Variants in EFNA5 observed in about 807,000 individuals in gnomAD.
EFNA5 encodes the protein ephrin-A5.
In EFNA5, 5 loss-of-function variants were observed where a neutral mutation model predicts 22.9. The ratio of observed to expected loss-of-function variants is 0.22; its 90% CI spans 0.11 to 0.46. EFNA5 has a LOEUF of 0.46. Among genes scored for constraint, EFNA5 ranks in the 20% least tolerant of loss-of-function variants. The pLI is 0.99. For missense variants in EFNA5, 237 were observed against 293.3 expected, an observed-to-expected ratio of 0.81 and a Z score of 1.40; for synonymous variants, 113 against 112.2, an observed-to-expected ratio of 1.01 and a Z score of -0.04.
chr5:107,417,344 T>C (rs1038885984), intron 2 of EFNA5, among the ~76,000 whole-genome samples: 37 of 152,302 alleles, frequency 2.4e-4, no homozygotes, highest in African/African-American at 8.7e-4. Flanking sequence ...AATTTTTTTG[T>C]GAAGCTTTAA....
At chr5:107,383,069 C>T (rs1035966361) in intron 4 of EFNA5, among the ~76,000 whole-genome samples, 7 of 152,154 alleles carry the variant, frequency 4.6e-5, no homozygotes, top group Non-Finnish European at 7.3e-5. Flanking sequence ...CAGATATGCT[C>T]GTTTGGGATG....
intron 1 of EFNA5, among the ~76,000 whole-genome samples, chr5:107,646,008 G>T (rs987772941): frequency 6.6e-6 from 1 of 152,146 alleles, no homozygotes; most frequent in African/African-American, 2.4e-5. Context: ...CTGCTGTGAA[G>T]AATAATCATA....
intron 2 of EFNA5, among the ~76,000 whole-genome samples, chr5:107,422,990 T>C (rs1197313521): frequency 3.3e-5 from 5 of 152,230 alleles, no homozygotes; most frequent in Admixed American, 2.6e-4. Context: ...GAACATCTAC[T>C]AAGCAAGGTA....
intron 1 of EFNA5, among the ~76,000 whole-genome samples, chr5:107,568,876 C>T (rs1210916698): frequency 1.3e-5 from 2 of 152,068 alleles, no homozygotes; most frequent in African/African-American, 4.8e-5. Flanking sequence ...AAATCCTTCT[C>T]GGTCTTCAGA....
chr5:107,469,469 G>C (rs1750080231), intron 1 of EFNA5, among the ~76,000 whole-genome samples: 1 of 152,050 alleles, frequency 6.6e-6, no homozygotes, highest in Non-Finnish European at 1.5e-5. Flanking sequence ...CCAAGGAATG[G>C]CTTGGTTGTT....
At chr5:107,668,488 G>C (rs528776357) in intron 1 of EFNA5, among the ~76,000 whole-genome samples, 1 of 152,196 alleles carries the variant, frequency 6.6e-6, no homozygotes, top group South Asian at 2.1e-4. Flanking sequence ...GGTTAAGAAG[G>C]GGGGTTAAAG....
intron 1 of EFNA5, among the ~76,000 whole-genome samples, chr5:107,593,652 C>G (rs775886888): frequency 1.3e-5 from 2 of 152,082 alleles, no homozygotes; most frequent in Non-Finnish European, 2.9e-5. Flanking sequence ...CACCCTCACC[C>G]AAGGTGATTC....
intron 1 of EFNA5, among the ~76,000 whole-genome samples, chr5:107,533,949 C>T (rs1455680255): frequency 6.6e-6 from 1 of 152,150 alleles, no homozygotes; most frequent in African/African-American, 2.4e-5. Flanking sequence ...CTTTTCTAGC[C>T]ATTTCTATTC....
chr5:107,435,212 G>A (rs1302597016), intron 1 of EFNA5, among the ~76,000 whole-genome samples: 1 of 152,024 alleles, frequency 6.6e-6, no homozygotes, highest in African/African-American at 2.4e-5. Flanking sequence ...GGGCAGGACA[G>A]CAGTCTCTGT....
chr5:107,383,122 A>G (rs1716052435), intron 4 of EFNA5, among the ~76,000 whole-genome samples: 1 of 152,126 alleles, frequency 6.6e-6, no homozygotes. Flanking sequence ...AGGTCTTCTC[A>G]GTGTTGAGTC....
At chr5:107,396,166 T>A (rs568039273) in intron 2 of EFNA5, among the ~76,000 whole-genome samples, 1 of 152,344 alleles carries the variant, frequency 6.6e-6, no homozygotes, top group African/African-American at 2.4e-5. Context: ...TCAAAACCCC[T>A]TTCATTATTA....
intron 1 of EFNA5, among the ~76,000 whole-genome samples, chr5:107,642,239 G>A (rs954946722): frequency 3.9e-5 from 6 of 152,196 alleles, no homozygotes; most frequent in African/African-American, 1.4e-4. Context: ...CCCTTAGACA[G>A]AAGGAATAAG....
chr5:107,529,675 T>C (rs1580514512), intron 1 of EFNA5, among the ~76,000 whole-genome samples: 1 of 152,364 alleles, frequency 6.6e-6, no homozygotes, highest in South Asian at 2.1e-4. Context: ...GCTGAAGCTA[T>C]GGCTGTTTTA....
chr5:107,455,048 CA>C (rs1160576879), intron 1 of EFNA5, among the ~76,000 whole-genome samples: 1 of 152,148 alleles, frequency 6.6e-6, no homozygotes, highest in Admixed American at 6.5e-5. Flanking sequence ...CTGGACTCAA[CA>C]AAATCTCAAA....
chr5:107,392,633 T>G (rs1747818429), intron 2 of EFNA5, among the ~76,000 whole-genome samples: 1 of 152,326 alleles, frequency 6.6e-6, no homozygotes. Flanking sequence ...TAATAAACGT[T>G]GTTTTAGCCA....
intron 1 of EFNA5, among the ~76,000 whole-genome samples, chr5:107,561,735 C>T (rs927986888): frequency 6.6e-6 from 1 of 152,138 alleles, no homozygotes; most frequent in Non-Finnish European, 1.5e-5. Flanking sequence ...TTCCCCACAG[C>T]TAACAGGAGA....
At chr5:107,543,939 C>T (rs1012573682) in intron 1 of EFNA5, among the ~76,000 whole-genome samples, 1 of 152,156 alleles carries the variant, frequency 6.6e-6, no homozygotes, top group African/African-American at 2.4e-5. Flanking sequence ...TGCAGAGCGG[C>T]AGCTCTGCCT....
At chr5:107,522,383 A>G (rs2112444329) in intron 1 of EFNA5, among the ~76,000 whole-genome samples, 1 of 151,200 alleles carries the variant, frequency 6.6e-6, no homozygotes, top group South Asian at 2.1e-4. Context: ...GCTCTTTCTC[A>G]CTCTCTTTCT....
At chr5:107,393,335 T>A (rs1747835495) in intron 2 of EFNA5, among the ~76,000 whole-genome samples, 1 of 152,228 alleles carries the variant, frequency 6.6e-6, no homozygotes, top group African/African-American at 2.4e-5. Flanking sequence ...GTAACAACCA[T>A]TCTTCTTCAT....
Sources: gnomAD v4.1 joint callset for allele counts (sites outside exome capture counted in the v4.1 genomes callset) on GRCh38, gnomAD v4.1.1 for gene constraint, MANE v1.5 for transcripts, NCBI Gene and HGNC (gene_info 2026-07-23, HGNC 2026-07-21) for gene names.